NELL1: variants seen among roughly 807,000 people sequenced by gnomAD.
NELL1 encodes the protein neural EGFL like 1.
NELL1 carries 76 observed loss-of-function variants against 107.4 expected under a neutral mutation model. The observed-to-expected ratio is 0.71, with a 90% confidence interval of 0.59 to 0.86. The LOEUF is 0.86. Ranked by LOEUF, NELL1 falls within the 40% of genes least tolerant of loss-of-function variation. NELL1 has a pLI of 0.00. For synonymous variants in NELL1, 353 were observed against 341.2 expected, an observed-to-expected ratio of 1.03 and a Z score of -0.38; for missense variants, 1,024 against 1,005.5, an observed-to-expected ratio of 1.02 and a Z score of -0.25.
chr11:20,688,797 G>A (rs143467583), intron 2 of NELL1, among the ~76,000 whole-genome samples: 1 of 152,104 alleles, frequency 6.6e-6, no homozygotes, highest in Non-Finnish European at 1.5e-5. Flanking sequence ...TTCTGTTTCA[G>A]TTCTTTGAGA....
At chr11:21,041,244 C>G (rs1038676842) in intron 12 of NELL1, among the ~76,000 whole-genome samples, 3 of 152,154 alleles carry the variant, frequency 2.0e-5, no homozygotes, top group African/African-American at 7.2e-5. Flanking sequence ...TGCTTTAAAA[C>G]TAATCTTCCA....
intron 13 of NELL1, among the ~76,000 whole-genome samples, chr11:21,185,326 G>T (rs189037364): frequency 1.6e-4 from 17 of 105,690 alleles, no homozygotes; most frequent in Non-Finnish European, 1.3e-4. Flanking sequence ...GTGAAATTTC[G>T]CTCTTGTTGC....
chr11:21,223,828 A>G (rs2133876163), intron 13 of NELL1, among the ~76,000 whole-genome samples: 1 of 152,268 alleles, frequency 6.6e-6, no homozygotes, highest in African/African-American at 2.4e-5. Flanking sequence ...GGACTTTGTT[A>G]AGCTTTTCTC....
intron 15 of NELL1, among the ~76,000 whole-genome samples, chr11:21,395,318 C>G (rs764772684): frequency 1.3e-5 from 2 of 151,472 alleles, no homozygotes; most frequent in Non-Finnish European, 3.0e-5. Flanking sequence ...AAGAAGAATT[C>G]TGTGTTTGTA....
At chr11:20,907,211 A>G (rs1554942343) in intron 5 of NELL1, among the ~76,000 whole-genome samples, 1 of 140,896 alleles carries the variant, frequency 7.1e-6, no homozygotes, top group Non-Finnish European at 1.5e-5. Context: ...GCATTTTACA[A>G]TGGATTCTGT....
intron 3 of NELL1, among the ~76,000 whole-genome samples, chr11:20,797,242 T>C (rs989375378): frequency 2.6e-5 from 4 of 152,052 alleles, no homozygotes; most frequent in African/African-American, 9.7e-5. Context: ...GAGAATGGCA[T>C]GGAGGGGGCA....
intron 15 of NELL1, among the ~76,000 whole-genome samples, chr11:21,480,245 C>A (rs1035683235): frequency 1.3e-5 from 2 of 152,092 alleles, no homozygotes; most frequent in Admixed American, 1.3e-4. Flanking sequence ...ATCAGTGAAC[C>A]TTTAACTTGT....
chr11:21,346,852 A>T (rs1225232742), intron 14 of NELL1, among the ~76,000 whole-genome samples: 1 of 152,072 alleles, frequency 6.6e-6, no homozygotes, highest in Non-Finnish European at 1.5e-5. Flanking sequence ...AACTCTACTC[A>T]AAAGCCATTT....
At chr11:21,571,474 C>T (rs1489532556) in intron 18 of NELL1, among the ~76,000 whole-genome samples, 1 of 151,778 alleles carries the variant, frequency 6.6e-6, no homozygotes, top group South Asian at 2.1e-4. Flanking sequence ...ATGTGAGTAC[C>T]TCTGAGGGAA....
chr11:21,357,380 T>C (rs548906397), intron 14 of NELL1, among the ~76,000 whole-genome samples: 20 of 152,270 alleles, frequency 1.3e-4, no homozygotes, highest in Non-Finnish European at 2.6e-4. Context: ...ATTGTGGTTT[T>C]AATTTGCATT....
intron 2 of NELL1, among the ~76,000 whole-genome samples, chr11:20,711,176 C>A (rs1855104704): frequency 2.0e-5 from 3 of 152,062 alleles, no homozygotes; most frequent in Admixed American, 6.6e-5. Context: ...TATGAACTTT[C>A]CTCCTAGAAC....
intron 13 of NELL1, among the ~76,000 whole-genome samples, chr11:21,214,389 G>T (rs1857568723): frequency 6.6e-6 from 1 of 152,090 alleles, no homozygotes; most frequent in African/African-American, 2.4e-5. Context: ...ATGGGCAAAA[G>T]ACATGAACAA....
At chr11:21,221,605 A>C (rs2133873200) in intron 13 of NELL1, among the ~76,000 whole-genome samples, 1 of 152,208 alleles carries the variant, frequency 6.6e-6, no homozygotes, top group Admixed American at 6.5e-5. Flanking sequence ...CTGCTTTAAA[A>C]TTGATAGGTT....
chr11:21,138,117 C>G (rs1208264110), intron 13 of NELL1, among the ~76,000 whole-genome samples: 1 of 152,172 alleles, frequency 6.6e-6, no homozygotes, highest in Admixed American at 6.5e-5. Context: ...TTTGAGAGCT[C>G]TGCAAAATGG....
At chr11:21,294,058 C>T (rs1849326004) in intron 14 of NELL1, among the ~76,000 whole-genome samples, 1 of 152,064 alleles carries the variant, frequency 6.6e-6, no homozygotes, top group Admixed American at 6.6e-5. Flanking sequence ...CACATGTATC[C>T]TAGCACTTAA....
intron 14 of NELL1, among the ~76,000 whole-genome samples, chr11:21,310,927 A>G (rs1378338508): frequency 2.0e-5 from 3 of 152,092 alleles, no homozygotes; most frequent in Non-Finnish European, 4.4e-5. Context: ...TTTAATTTGA[A>G]TATAATCTGT....
chr11:20,704,798 A>G (rs1479335503), intron 2 of NELL1, among the ~76,000 whole-genome samples: 1 of 152,004 alleles, frequency 6.6e-6, no homozygotes, highest in Non-Finnish European at 1.5e-5. Context: ...TTCTGGGTTG[A>G]AAATTCTTTA....
chr11:20,996,264 C>G (rs766759629), intron 12 of NELL1, among the ~76,000 whole-genome samples: 6 of 152,170 alleles, frequency 3.9e-5, no homozygotes, highest in Non-Finnish European at 8.8e-5. Context: ...TGGAGACCTC[C>G]TCTTTCCCTT....
chr11:21,131,631 T>C (rs1165162207), intron 13 of NELL1, among the ~76,000 whole-genome samples: 1 of 152,194 alleles, frequency 6.6e-6, no homozygotes, highest in Non-Finnish European at 1.5e-5. Context: ...TTTTTTGTTT[T>C]TTTGTTTTGG....
Sources: allele counts gnomAD v4.1 joint callset (sites outside exome capture counted in the v4.1 genomes callset), GRCh38; gene constraint gnomAD v4.1.1; transcripts MANE v1.5; gene names NCBI Gene and HGNC (gene_info 2026-07-23, HGNC 2026-07-21).